Variants in CCNF observed in about 807,000 individuals in gnomAD.
The protein encoded by CCNF is cyclin F, also known as cyclin-F.
In CCNF, 30 loss-of-function variants were observed where a neutral mutation model predicts 85.4. The ratio of observed to expected loss-of-function variants is 0.35; its 90% confidence interval spans 0.26 to 0.48. The LOEUF (loss-of-function observed/expected upper bound fraction) is 0.48. Among genes scored for constraint, CCNF ranks in the 20% least tolerant of loss-of-function variants. CCNF has a pLI of 0.99. For synonymous variants in CCNF, 439 were observed against 425.1 expected (o/e 1.03, Z -0.40); for missense variants, 919 against 1,010.4 (o/e 0.91, Z 1.23).
In CCNF at chr16:2,455,491, C is replaced by A. The variant is rs753790420; in HGVS notation, c.1812C>A (p.Phe604Leu). Residue 604 changes from phenylalanine to leucine, a missense_variant, in exon 16 of 17, where the codon TTC becomes TTA. Physicochemically the swap from Phe to Leu is conservative, Grantham distance 22. Coordinates refer to ENST00000397066, the MANE Select transcript of CCNF (RefSeq NM_001761.3). Reference sequence around the variant, plus strand: ...AGGAGGAGACGCTGCTGGGCAGCTTCCTCGACTGGAGCCTGGACTGCTGCT... The same window carrying A: ...AGGAGGAGACGCTGCTGGGCAGCTTACTCGACTGGAGCCTGGACTGCTGCT... ...SSQEETLLGS[F>L]LDWSLDCCSG... is the part of the protein sequence containing the mutation. 1.2e-6 allele frequency: 2 copies of A among 1,607,158 alleles called. No homozygotes were observed. The highest frequency in any genetic ancestry group is 4.5e-5 in the East Asian group (2 of 44,622).
Position 2,456,918 on chromosome 16 carries a change from A to T in CCNF, c.2259A>T (p.Pro753=), listed in dbSNP as rs778090367. Residue 753 remains proline, a synonymous_variant, in exon 17 of 17, where the codon CCA becomes CCT. Coordinates refer to ENST00000397066, the MANE Select transcript of CCNF (RefSeq NM_001761.3). This position sits in a 1 kb window ranked among gnomAD's most constrained non-coding sequence, Gnocchi z 4.5. ...ARKSCLQCRP[P]SPPESSVPQQ... ...AGTCATGTTTACAGTGTCGTCCCCC[A>T]AGTCCCCCGGAGAGCAGTGTTCCCC... The T allele has an allele frequency of 4.3e-6, 7 of 1,614,080 alleles. No homozygotes were observed. In the East Asian group the frequency reaches 1.6e-4, roughly 36 times the overall value.
rs138913390 is a variant in CCNF, at chr16:2,437,179, C to T, written c.397C>T (p.Arg133Cys). 5.6e-6 allele frequency: 9 copies of T among 1,611,802 alleles called. No individual in the cohort carries two copies. The highest frequency in any genetic ancestry group is 2.7e-5 in the African/African-American group (2 of 74,916). Residue 133 changes from arginine to cysteine, a missense_variant, in exon 5 of 17, where the codon CGC becomes TGC. Transcript: ENST00000397066. ...RAEVNGLKAS[R>C]FFSLAERLNV... is the part of the protein sequence containing the mutation. Reference sequence around the variant, plus strand: ...AGAAGTGAATGGCCTGAAGGCCTCTCGCTTCTTCAGTCTCGCTGAGCGGCT... The same window carrying T: ...AGAAGTGAATGGCCTGAAGGCCTCTTGCTTCTTCAGTCTCGCTGAGCGGCT...
chr16:2,433,112 C>G (rs1283378389), intron 3 of CCNF, 45 bp downstream of exon 3: 1 of 1,267,148 alleles, frequency 7.9e-7, no homozygotes, highest in Non-Finnish European at 1.1e-6. Flanking sequence ...CCTGCCTTGG[C>G]CTCCCTATGT....
Position 2,448,976 on chromosome 16 carries a change from C to T in CCNF, c.1216C>T (p.Arg406Ter), listed in dbSNP as rs1434320762. ...EIVSALEGKI[R>*]VPTVVDYKEV... is the part of the protein sequence containing the mutation. ...CGTCTCCGCCTTGGAAGGGAAGATT[C>T]GAGTAAGCAGCGGTTCCATTTTCCT... Residue 406 changes from arginine to a stop codon, truncating the protein, a stop_gained and splice_region_variant, in exon 11 of 17, where the codon CGA becomes TGA. Transcript: ENST00000397066. LOFTEE classifies it high-confidence loss of function. The T allele has an allele frequency of 6.2e-7, 1 of 1,613,618 alleles. No individual in the cohort carries two copies. Among genetic ancestry groups the T allele is most frequent in the African/African-American group, 1.3e-5 (1 of 74,864 alleles).
Position 2,453,175 on chromosome 16 carries a change from C to T in CCNF, c.1488-35C>T. ...TGAAGCTAAAAATGGGGTGGGGGTG[C>T]CTCACATGTCCACTCCACGTGACTC... On this transcript the variant is annotated intron_variant, in intron 13 of 16. Transcript: ENST00000397066. This position sits in a 1 kb window ranked among gnomAD's most constrained non-coding sequence, Gnocchi z 5.6. 1 of 1,571,378 alleles carries T rather than the reference C, an allele frequency of 6.4e-7. No individual in the cohort carries two copies. Among genetic ancestry groups the T allele is most frequent in the Non-Finnish European group, 8.8e-7 (1 of 1,141,750 alleles).
In CCNF at chr16:2,439,670, T is replaced by C. The variant is rs920862084; in HGVS notation, c.700-79T>C. 3.3e-6 allele frequency: 4 copies of C among 1,196,590 alleles called. No homozygotes were observed. The African/African-American group carries it at 4.5e-5, about 14-fold the overall frequency. The allele number at this position is 1,196,590 out of a possible 1,614,324, so 74.1% of individuals were successfully genotyped here. A position where few individuals can be genotyped will look rare whatever the true frequency, so the allele number is the denominator to read the frequency against. On this transcript the variant is annotated intron_variant, in intron 7 of 16. Coordinates refer to ENST00000397066, the MANE Select transcript of CCNF (RefSeq NM_001761.3). The stretch of plus-strand genomic sequence containing the variant: ...GAGAAGAGGTGGGAAGTTAGCGTAG[T>C]GTCGGCCCTTCTGGGTCTTGGTTCT...
intron 1 of CCNF, 30 bp downstream of exon 1, chr16:2,429,527 T>A (rs930169722): frequency 8.9e-6 from 11 of 1,229,672 alleles, no homozygotes; most frequent in Non-Finnish European, 1.1e-5. Flanking sequence ...CGCTGGTTTC[T>A]GCCCCACACC....
At position 2,456,850 on chromosome 16, in the gene CCNF, G is replaced by A. The variant is rs760107270; in HGVS notation, c.2191G>A (p.Asp731Asn). Residue 731 changes from aspartate to asparagine, a missense_variant, in exon 17 of 17, where the codon GAC becomes AAC. Asp to Asn is a conservative substitution (Grantham distance 23, BLOSUM62 1). Transcript: ENST00000397066. The surrounding 1 kb of genome is among the most constrained non-coding windows in gnomAD (Gnocchi z 4.5). ...CCAACCTACCTCAGTGCTGTCCCTG[G>A]ACAGTGACTCGCACACACAGCCCTG... ...LPQPTSVLSLDSDSHTQPCHH... is the reference protein window; with the variant it reads ...LPQPTSVLSLNSDSHTQPCHH... 3.6e-5 allele frequency: 58 copies of A among 1,613,934 alleles called. No homozygotes were observed. The South Asian group carries it at 4.5e-4, about 13-fold the overall frequency.
chr16:2,445,594 G>A lies in CCNF; in HGVS notation c.1066G>A (p.Gly356Ser). Residue 356 changes from glycine to serine, a missense_variant, in exon 10 of 17, where the codon GGC becomes AGC. Gly to Ser is a moderately conservative substitution (Grantham distance 56, BLOSUM62 0). Transcript: ENST00000397066. ...GCCGCGGTACAGGCTCCAGCTGCTG[G>A]GCATCGCCTGCATGGTCATCTGCAC... ...LVPRYRLQLL[G>S]IACMVICTRF... is the part of the protein sequence containing the mutation. 1 of 1,613,110 alleles carries A rather than the reference G, an allele frequency of 6.2e-7. No individual in the cohort carries two copies. The highest frequency in any genetic ancestry group is 8.5e-7 in the Non-Finnish European group (1 of 1,180,016).
chr16:2,448,716 A>G (rs2065375227), intron 10 of CCNF, 139 bp from the exon 11 acceptor site: 1 of 743,770 alleles, frequency 1.3e-6, no homozygotes, highest in Non-Finnish European at 2.2e-6. Flanking sequence ...TGGCTCCATT[A>G]TGAAGCCTCT....
At chr16:2,454,610 C>T (rs1027196449) in intron 15 of CCNF, among the ~76,000 whole-genome samples, 6 of 152,224 alleles carry the variant, frequency 3.9e-5, no homozygotes, top group Non-Finnish European at 5.9e-5. Context: ...GCTGGTGTGG[C>T]GGCTTTTCCC....
rs377121613 is a variant in CCNF, at chr16:2,449,396, T to C, written c.1333T>C (p.Ser445Pro). The change falls in exon 12 of 17, where the codon TCC (serine) becomes CCC (proline). Residue 445 changes from serine to proline, a missense_variant. By Grantham distance (74) the Ser-to-Pro change is moderately conservative. This residue lies in a region of CCNF where 505 missense variants were observed against 514.8 expected (regional missense o/e 0.98). Transcript: ENST00000397066. ...CELSLLHTSL[S>P]AYAPARLAAA... ...GCTCTCCCTGCTGCACACCAGCCTG[T>C]CCGCCTACGCCCCAGCCCGCCTGGC... The C allele has an allele frequency of 2.5e-6, 4 of 1,612,200 alleles. No homozygotes were observed. In the African/African-American group the frequency reaches 5.3e-5, roughly 22 times the overall value.
At chr16:2,430,416 A>C (rs1292213210) in intron 1 of CCNF, among the ~76,000 whole-genome samples, 1 of 152,160 alleles carries the variant, frequency 6.6e-6, no homozygotes, top group Non-Finnish European at 1.5e-5. Flanking sequence ...AGCACATCTG[A>C]GAAGCATGTC....
At position 2,443,685 on chromosome 16, in the gene CCNF, C is replaced by T. The variant is rs2141823003; in HGVS notation, c.814C>T (p.Leu272Phe). 1 of 1,614,188 alleles carries T rather than the reference C, an allele frequency of 6.2e-7. No individual in the cohort carries two copies. Among genetic ancestry groups the T allele is most frequent in the Non-Finnish European group, 8.5e-7 (1 of 1,180,030 alleles). The change falls in exon 9 of 17, where the codon CTT becomes TTT. Residue 272 changes from leucine to phenylalanine, a missense_variant. Coordinates refer to ENST00000397066, the MANE Select transcript of CCNF (RefSeq NM_001761.3). ...CAAAGCCTGTGCAAATGCAAACCAGCTTGGACTGGAGGTGAGAGCTTCCAG... is the reference window on the plus strand; with the variant it reads ...CAAAGCCTGTGCAAATGCAAACCAGTTTGGACTGGAGGTGAGAGCTTCCAG... Reference protein sequence around the residue: ...LAKACANANQLGLEVRASSEI... With the variant: ...LAKACANANQFGLEVRASSEI...
At chr16:2,432,918 GT>G (rs1431897926) in intron 2 of CCNF, 42 bp from the exon 3 acceptor site, 1 of 1,250,932 alleles carries the variant, frequency 8.0e-7, no homozygotes, top group Non-Finnish European at 1.2e-6. Context: ...GGGCTTTTGG[GT>G]GGTGCCTCCA....
rs1231450255 is a variant in CCNF, at chr16:2,456,163, GGT to G, written c.1886-378_1886-377del. 1.5e-5 allele frequency: 3 copies of G among 196,796 alleles called. No individual in the cohort carries two copies. Among genetic ancestry groups the G allele is most frequent in the African/African-American group, 7.0e-5 (3 of 42,862 alleles). 12.2% of individuals were successfully genotyped at this position (196,796 alleles called of 1,614,324 possible). A position where few individuals can be genotyped will look rare whatever the true frequency, so the allele number is the denominator to read the frequency against. ...GCGTTCTTTCTAGAATGTTGTTTGA[GGT>G]GTGCCCACGTGGTATACGTGACACT... On this transcript the variant is annotated intron_variant, in intron 16 of 16. Transcript: ENST00000397066. This position sits in a 1 kb window ranked among gnomAD's most constrained non-coding sequence, Gnocchi z 4.5.
chr16:2,446,145 G>A (rs1411553676), intron 10 of CCNF, among the ~76,000 whole-genome samples: 1 of 152,188 alleles, frequency 6.6e-6, no homozygotes, highest in Non-Finnish European at 1.5e-5. Context: ...TGTGGGGGCC[G>A]CTGTGTGGGG....
chr16:2,434,345 T>G (rs772182362), intron 3 of CCNF, among the ~76,000 whole-genome samples: 116 of 149,298 alleles, frequency 7.8e-4, no homozygotes, highest in Admixed American at 2.9e-3. Flanking sequence ...CTGGGCACAG[T>G]GGCTCACGCC....
At position 2,449,571 on chromosome 16, in the gene CCNF, G is replaced by T. The variant is rs962701603; in HGVS notation, c.1399+109G>T. 7.2e-5 allele frequency: 83 copies of T among 1,144,984 alleles called. No individual in the cohort carries two copies. The Admixed American group carries it at 8.4e-4, about 12-fold the overall frequency. The allele number at this position is 1,144,984 out of a possible 1,614,324, so 70.9% of individuals were successfully genotyped here. On this transcript the variant is annotated intron_variant, in intron 12 of 16. Coordinates refer to ENST00000397066, the MANE Select transcript of CCNF (RefSeq NM_001761.3). ...CATCCATTTGTCCTGGTTACTTCTT[G>T]GGGGGTGAGATACAGCACGGCTCCT...
Sources: gnomAD v4.1 joint callset for allele counts (sites outside exome capture counted in the v4.1 genomes callset) on GRCh38, gnomAD v4.1.1 for gene constraint, gnomAD v4.1.1 regional missense constraint, Gnocchi (gnomAD v3.1) non-coding constraint, MANE v1.5 for transcripts, NCBI Gene and HGNC (gene_info 2026-07-23, HGNC 2026-07-21) for gene names.